Variants in XYLB observed in about 807,000 individuals in gnomAD.
XYLB encodes xylulokinase.
In XYLB, 62 loss-of-function variants were observed where a neutral mutation model predicts 78.7. That is an observed-to-expected ratio of 0.79 (90% CI 0.64 to 0.97). XYLB has a LOEUF of 0.97. Among genes scored for constraint, XYLB ranks in the 50% least tolerant of loss-of-function variants. XYLB has a pLI of 0.00. For synonymous variants in XYLB, 245 were observed against 247.4 expected (o/e 0.99, Z 0.09); for missense variants, 687 against 676.8 (o/e 1.02, Z -0.17).
chr3:38,411,027 C>G (rs570414332), intron 18 of XYLB, among the ~76,000 whole-genome samples: 168 of 152,270 alleles, frequency 1.1e-3, no homozygotes, highest in African/African-American at 3.5e-3. Flanking sequence ...CATCCCATTA[C>G]TAGGTATATA....
At chr3:38,378,363 C>T (rs1706971463) in intron 14 of XYLB, among the ~76,000 whole-genome samples, 1 of 152,216 alleles carries the variant, frequency 6.6e-6, no homozygotes, top group African/African-American at 2.4e-5. Flanking sequence ...ACATTGGTGG[C>T]CCTTGCTCCC....
At chr3:38,440,581 C>A in the XYLB span, among the ~76,000 whole-genome samples, 1 of 152,170 alleles carries the variant, frequency 6.6e-6, no homozygotes, top group African/African-American at 2.4e-5. Context: ...AGCTTTAGAT[C>A]TCCTGTCAGG....
At chr3:38,388,169 GTTTTTT>G (rs71085320) in intron 15 of XYLB, among the ~76,000 whole-genome samples, 2 of 109,330 alleles carry the variant, frequency 1.8e-5, no homozygotes, top group South Asian at 5.5e-4. Flanking sequence ...GTTTTTTTTT[GTTTTTT>G]TTTTTTTTTT....
chr3:38,416,976 G>T (rs1708816326), downstream of XYLB, among the ~76,000 whole-genome samples: 1 of 152,146 alleles, frequency 6.6e-6, no homozygotes, highest in Non-Finnish European at 1.5e-5. Context: ...AAGGAAAAAT[G>T]AATAGAAACC....
In XYLB at chr3:38,358,963, T is replaced by C. The variant is rs1407653650; in HGVS notation, c.141-1376T>C. On this transcript the variant is annotated intron_variant, in intron 2 of 18. Transcript: ENST00000207870. ...CCAAAAGATCGCTTTTTTCCCTGCT[T>C]ACCGAGACAAGCTCGGTTGTGGAGA... 2.0e-5 allele frequency among the ~76,000 whole-genome samples: 3 copies of C among 152,218 alleles called. No homozygotes were observed. The East Asian group carries it at 5.8e-4, about 29-fold the overall frequency.
Position 38,395,329 on chromosome 3 carries a change from A to T in XYLB, c.1292-176A>T, listed in dbSNP as rs1022464002. ...GGGCAGCAACCTTACAAGCAAATGA[A>T]TGTGACAGGCCTGCACACACAGAGC... On this transcript the variant is annotated intron_variant, in intron 15 of 18. Coordinates refer to ENST00000207870, the MANE Select transcript of XYLB (RefSeq NM_005108.4). 2.0e-4 allele frequency among the ~76,000 whole-genome samples: 31 copies of T among 152,204 alleles called. 1 individual carries two copies. Among genetic ancestry groups the T allele is most frequent in the Non-Finnish European group, 2.9e-5 (2 of 68,040 alleles).
At chr3:38,393,184 T>C (rs1229016209) in intron 15 of XYLB, among the ~76,000 whole-genome samples, 1 of 152,008 alleles carries the variant, frequency 6.6e-6, no homozygotes, top group East Asian at 1.9e-4. Context: ...AGGGTCTCAC[T>C]TTGCCGCACA....
In XYLB at chr3:38,397,069, C is replaced by T; in HGVS notation, c.1351-3C>T. Reference sequence around the variant, plus strand: ...CACAGTAGAACCTCTGTGTCCTTTTCAGGTGCTTGCAGATGTGTTTGATGC... The same window carrying T: ...CACAGTAGAACCTCTGTGTCCTTTTTAGGTGCTTGCAGATGTGTTTGATGC... On this transcript the variant is annotated splice_region_variant and splice_polypyrimidine_tract_variant and intron_variant, in intron 16 of 18. Transcript: ENST00000207870. The T allele has an allele frequency of 6.2e-7, 1 of 1,614,150 alleles. No homozygotes were observed. The highest frequency in any genetic ancestry group is 1.1e-5 in the South Asian group (1 of 91,074).
downstream of XYLB, among the ~76,000 whole-genome samples, chr3:38,421,541 G>A (rs1043826796): frequency 1.3e-5 from 2 of 152,200 alleles, no homozygotes; most frequent in African/African-American, 4.8e-5. Flanking sequence ...CTGGTTTCCG[G>A]ACCGAGGAAC....
chr3:38,351,024 C>CA (rs1352478494), intron 2 of XYLB, among the ~76,000 whole-genome samples: 2 of 151,428 alleles, frequency 1.3e-5, no homozygotes, highest in East Asian at 3.9e-4. Context: ...GGCATGGTGA[C>CA]AGGCACCGTG....
downstream of XYLB, among the ~76,000 whole-genome samples, chr3:38,425,009 A>C (rs1310978246): frequency 6.6e-6 from 1 of 152,254 alleles, no homozygotes. Context: ...AAGAAGCTAA[A>C]GCTATTATCC....
chr3:38,409,360 T>C (rs927274208), intron 18 of XYLB, among the ~76,000 whole-genome samples: 2 of 152,200 alleles, frequency 1.3e-5, no homozygotes, highest in African/African-American at 4.8e-5. Flanking sequence ...AAACTCTCAA[T>C]AAATTAGGTA....
At position 38,365,610 on chromosome 3, in the gene XYLB, CTG is replaced by C; in HGVS notation, c.383_384del (p.Cys128PhefsTer41). 3 of 1,611,326 alleles carry C rather than the reference CTG, an allele frequency of 1.9e-6. No individual in the cohort carries two copies. Among genetic ancestry groups the C allele is most frequent in the Non-Finnish European group, 2.5e-6 (3 of 1,178,116 alleles). On this transcript the variant is annotated frameshift_variant, in exon 6 of 19. Transcript: ENST00000207870. LOFTEE classifies it high-confidence loss of function. The stretch of plus-strand genomic sequence containing the variant: ...TGTGCCTTTGCCCTCCTTCCCAGGA[CTG>C]TTTCTCCATCAGCGACTGCCCGGTG... ...DLRLHQQLQD[C>X]FSISDCPVWM...
intron 15 of XYLB, among the ~76,000 whole-genome samples, chr3:38,382,028 G>A (rs1275895732): frequency 3.3e-5 from 5 of 152,254 alleles, no homozygotes; most frequent in Non-Finnish European, 5.9e-5. Context: ...TCCTACCAAC[G>A]TGGGATGTCT....
chr3:38,356,140 A>G (rs2844436), intron 2 of XYLB: 151,317 of 173,828 alleles, frequency 0.87, 66,805 homozygotes, highest in East Asian at 1. Flanking sequence ...AGTCCCAGCT[A>G]CTCGGGAGGC....
intron 9 of XYLB, chr3:38,372,311 C>T: frequency 1.0e-5 from 7 of 693,112 alleles, no homozygotes; most frequent in Non-Finnish European, 1.1e-5. Flanking sequence ...GTCCTGTTAC[C>T]TTTTTTTTTT....
intron 16 of XYLB, among the ~76,000 whole-genome samples, chr3:38,396,025 A>C (rs1390952862): frequency 1.3e-5 from 2 of 152,246 alleles, no homozygotes; most frequent in East Asian, 3.8e-4. Context: ...CAGATGTCTG[A>C]CACTCAGACT....
At chr3:38,408,443 A>G (rs1412859202) in intron 18 of XYLB, among the ~76,000 whole-genome samples, 1 of 150,642 alleles carries the variant, frequency 6.6e-6, no homozygotes, top group African/African-American at 2.4e-5. Context: ...GAAAGATCCA[A>G]AATTGACACC....
chr3:38,398,070 G>A (rs1488220800), intron 17 of XYLB, among the ~76,000 whole-genome samples: 2 of 151,354 alleles, frequency 1.3e-5, no homozygotes, highest in African/African-American at 2.4e-5. Flanking sequence ...TGCCCACCTT[G>A]GCCTCCCAAA....
Sources: gnomAD v4.1 joint callset for allele counts (sites outside exome capture counted in the v4.1 genomes callset) on GRCh38, gnomAD v4.1.1 for gene constraint, MANE v1.5 for transcripts, NCBI Gene and HGNC (gene_info 2026-07-23, HGNC 2026-07-21) for gene names.